DCAF1: variants seen among roughly 807,000 people sequenced by gnomAD.
The protein encoded by DCAF1 is DDB1- and CUL4-associated factor 1.
A neutral mutation model predicts 128.0 loss-of-function variants in DCAF1; 15 were observed. The observed-to-expected ratio is 0.12, with a 90% CI of 0.08 to 0.18. The LOEUF is 0.18. Among genes scored for constraint, DCAF1 ranks in the 10% least tolerant of loss-of-function variants. The pLI is 1.00. For synonymous variants in DCAF1, 610 were observed against 603.0 expected (o/e 1.01, Z -0.17); for missense variants, 988 against 1,649.5 (o/e 0.60, Z 6.95).
chr3:51,406,166 A>G (rs2090090348), intron 23 of DCAF1, among the ~76,000 whole-genome samples: 1 of 151,690 alleles, frequency 6.6e-6, no homozygotes, highest in East Asian at 1.9e-4. Context: ...ACACAGTGAA[A>G]CCCCGTCTCT....
chr3:51,430,456 C>A (rs782132946), intron 10 of DCAF1, among the ~76,000 whole-genome samples: 1 of 152,144 alleles, frequency 6.6e-6, no homozygotes, highest in African/African-American at 2.4e-5. Context: ...TGAGTGCCAA[C>A]AAATATTTAC....
chr3:51,441,180 C>A, intron 8 of DCAF1, 109 bp from the exon 9 acceptor site: 1 of 1,205,986 alleles, frequency 8.3e-7, no homozygotes. Context: ...CTCTTCCTCC[C>A]TCCCTGTGAA....
chr3:51,474,784 C>CTTT (rs782363207), intron 3 of DCAF1, among the ~76,000 whole-genome samples: 2,567 of 121,744 alleles, frequency 0.021, 267 homozygotes, highest in East Asian at 0.19. Context: ...GCATGCCTGG[C>CTTT]TTTTTTTTTT....
rs782630338 is a variant in DCAF1, at chr3:51,413,969, C to T, written c.3912G>A (p.Thr1304=). 4 of 1,592,212 alleles carry T rather than the reference C, an allele frequency of 2.5e-6. No homozygotes were observed. The highest frequency in any genetic ancestry group is 1.3e-5 in the African/African-American group (1 of 74,334). ...TATTACCTCCATACATCACTGTTCC[C>T]GTGTGATTGAACACCACGCGACACT... ...LDQCRVVFNH[T]GTVMYGAMLQ... is the part of the protein sequence containing the mutation. Residue 1304 remains threonine, a synonymous_variant, in exon 20 of 25, where the codon ACG becomes ACA. Coordinates refer to ENST00000684031, the MANE Select transcript of DCAF1 (RefSeq NM_001387579.1).
intron 23 of DCAF1, among the ~76,000 whole-genome samples, chr3:51,411,157 A>G (rs1443666719): frequency 6.8e-6 from 1 of 146,062 alleles, no homozygotes; most frequent in East Asian, 2.1e-4. Context: ...GCAGAACTCC[A>G]TCTCAGAAAA....
chr3:51,401,336 G>A (rs2089686801), intron 24 of DCAF1, among the ~76,000 whole-genome samples: 1 of 152,068 alleles, frequency 6.6e-6, no homozygotes, highest in South Asian at 2.1e-4. Context: ...AAGGTTCAGA[G>A]CTACTGCTCT....
At chr3:51,487,706 C>CT (rs1707134178) in intron 2 of DCAF1, among the ~76,000 whole-genome samples, 1 of 151,706 alleles carries the variant, frequency 6.6e-6, no homozygotes, top group South Asian at 2.1e-4. Context: ...TTTCCTCTCC[C>CT]TTTTTTTCTT....
intron 2 of DCAF1, among the ~76,000 whole-genome samples, chr3:51,492,993 C>A (rs1707833585): frequency 6.6e-6 from 1 of 150,492 alleles, no homozygotes; most frequent in Non-Finnish European, 1.5e-5. Flanking sequence ...GACTCCCTCT[C>A]AAAAAAATAA....
At chr3:51,474,861 T>G (rs979363527) in intron 3 of DCAF1, among the ~76,000 whole-genome samples, 1 of 148,600 alleles carries the variant, frequency 6.7e-6, no homozygotes, top group African/African-American at 2.5e-5. Context: ...CTCAGCTCAC[T>G]GCAACCTCCG....
chr3:51,481,448 T>C (rs1260131077), intron 3 of DCAF1, among the ~76,000 whole-genome samples: 1 of 152,128 alleles, frequency 6.6e-6, no homozygotes, highest in African/African-American at 2.4e-5. Flanking sequence ...TCCCAGCACT[T>C]TGGGAGGCCG....
intron 23 of DCAF1, among the ~76,000 whole-genome samples, 181 bp from the exon 24 acceptor site, chr3:51,403,576 T>A (rs1450318211): frequency 6.6e-6 from 1 of 152,202 alleles, no homozygotes; most frequent in Non-Finnish European, 1.5e-5. Flanking sequence ...TAGGCACACA[T>A]GTCCCTCAAG....
At chr3:51,472,106 A>G (rs1704825081) in intron 3 of DCAF1, among the ~76,000 whole-genome samples, 1 of 152,110 alleles carries the variant, frequency 6.6e-6, no homozygotes, top group Non-Finnish European at 1.5e-5. Context: ...GACTTACCAC[A>G]ATACCCTGAA....
chr3:51,431,972 T>C (rs571518607), intron 10 of DCAF1, among the ~76,000 whole-genome samples: 2 of 150,654 alleles, frequency 1.3e-5, no homozygotes, highest in East Asian at 3.9e-4. Context: ...AGCGAGACCC[T>C]GTCATTAGAA....
At chr3:51,425,559 C>CTT (rs782117372) in intron 13 of DCAF1, among the ~76,000 whole-genome samples, 62,115 of 96,774 alleles carry the variant, frequency 0.64, 22,502 homozygotes, top group South Asian at 0.81. Context: ...AAGCTGTCAT[C>CTT]TTTTTTTTTT....
intron 2 of DCAF1, among the ~76,000 whole-genome samples, chr3:51,493,928 C>T (rs1210262647): frequency 3.4e-5 from 5 of 149,210 alleles, no homozygotes; most frequent in Admixed American, 6.8e-5. Context: ...ACCTGGGAGG[C>T]GGAGGTTGCA....
chr3:51,440,021 A>G (rs1310286823), intron 9 of DCAF1: 2 of 303,370 alleles, frequency 6.6e-6, no homozygotes, highest in Non-Finnish European at 1.3e-5. Flanking sequence ...AATTGTTGTT[A>G]GCTGATACAG....
rs184617186 is a variant in DCAF1, at chr3:51,438,900, C to T, written c.1128+2070G>A. Among the ~76,000 whole-genome samples, 860 of 152,262 alleles carry T rather than the reference C, an allele frequency of 5.6e-3. 12 individuals are homozygous for T. Among genetic ancestry groups the T allele is most frequent in the African/African-American group, 0.017 (688 of 41,556 alleles). Reference sequence around the variant, plus strand: ...TGCTGGGATTACAGACATGAGCCACCGCGCTGCGCCGAAGTGTTATATACA... The same window carrying T: ...TGCTGGGATTACAGACATGAGCCACTGCGCTGCGCCGAAGTGTTATATACA... On this transcript the variant is annotated intron_variant, in intron 9 of 24. Transcript: ENST00000684031.
At chr3:51,416,395 C>T (rs1698882924) in intron 18 of DCAF1, among the ~76,000 whole-genome samples, 1 of 152,108 alleles carries the variant, frequency 6.6e-6, no homozygotes, top group South Asian at 2.1e-4. Flanking sequence ...AAAGAGAAGT[C>T]CCCCACACCA....
chr3:51,474,920 G>A (rs546907198), intron 3 of DCAF1, among the ~76,000 whole-genome samples: 1 of 151,628 alleles, frequency 6.6e-6, no homozygotes, highest in East Asian at 1.9e-4. Context: ...GAGTAGCTGG[G>A]GTTACAGGTA....
Sources: allele counts gnomAD v4.1 joint callset (sites outside exome capture counted in the v4.1 genomes callset), GRCh38; gene constraint gnomAD v4.1.1; transcripts MANE v1.5; gene names NCBI Gene and HGNC (gene_info 2026-07-23, HGNC 2026-07-21).